Variants in EXOC6B observed in about 807,000 individuals in gnomAD.
EXOC6B encodes exocyst complex component 6B, also known as SEC15 homolog B.
In EXOC6B, 54 loss-of-function variants were observed where a neutral mutation model predicts 113.5. The observed-to-expected ratio is 0.48, with a 90% CI of 0.38 to 0.60. The LOEUF (loss-of-function observed/expected upper bound fraction) is 0.60, where lower values mean the gene tolerates loss of function less well. Among genes scored for constraint, EXOC6B ranks in the 20% least tolerant of loss-of-function variants. The pLI, the probability that EXOC6B is intolerant of heterozygous loss-of-function variation, is 0.00. For synonymous variants in EXOC6B, 357 were observed against 339.0 expected (o/e 1.05, Z -0.58); for missense variants, 797 against 977.5 (o/e 0.82, Z 2.46).
intron 6 of EXOC6B, among the ~76,000 whole-genome samples, chr2:72,657,562 C>CTTTTTTTT (rs1172512066): frequency 2.4e-5 from 1 of 41,910 alleles, no homozygotes; most frequent in Non-Finnish European, 4.5e-5. Context: ...TTCCTCTTTC[C>CTTTTTTTT]TTTTCTTTTT....
At chr2:72,513,635 C>A (rs975425691) in intron 10 of EXOC6B, among the ~76,000 whole-genome samples, 2 of 151,572 alleles carry the variant, frequency 1.3e-5, no homozygotes, top group African/African-American at 4.8e-5. Context: ...ATCATAAAAG[C>A]TAATATATAC....
At chr2:72,430,225 A>G (rs1356116181) in intron 18 of EXOC6B, among the ~76,000 whole-genome samples, 1 of 152,246 alleles carries the variant, frequency 6.6e-6, no homozygotes, top group Non-Finnish European at 1.5e-5. Flanking sequence ...CTGCTCATCT[A>G]TAAAGTTGGT....
chr2:72,797,566 C>A (rs1214525376), intron 1 of EXOC6B, among the ~76,000 whole-genome samples: 1 of 152,178 alleles, frequency 6.6e-6, no homozygotes, highest in Non-Finnish European at 1.5e-5. Flanking sequence ...GTAATCCCAG[C>A]ACTTTGGGAG....
chr2:72,608,394 T>C (rs1421502078), intron 6 of EXOC6B, among the ~76,000 whole-genome samples: 1 of 152,192 alleles, frequency 6.6e-6, no homozygotes, highest in East Asian at 1.9e-4. Context: ...AAAAGTCCTT[T>C]ATCTCACAGA....
intron 1 of EXOC6B, among the ~76,000 whole-genome samples, chr2:72,824,039 A>G (rs928861883): frequency 6.6e-6 from 1 of 152,038 alleles, no homozygotes; most frequent in African/African-American, 2.4e-5. Flanking sequence ...TGGTGGAGAG[A>G]CAGGCAACTG....
chr2:72,482,445 A>G (rs2105495995), intron 16 of EXOC6B, among the ~76,000 whole-genome samples: 1 of 151,780 alleles, frequency 6.6e-6, no homozygotes, highest in Non-Finnish European at 1.5e-5. Flanking sequence ...TTTGGTGTGT[A>G]AGGCAATGAA....
chr2:72,363,673 C>A (rs1297773474), intron 19 of EXOC6B, among the ~76,000 whole-genome samples: 5 of 151,918 alleles, frequency 3.3e-5, no homozygotes, highest in Middle Eastern at 3.2e-3. Flanking sequence ...AGTGCTTTAC[C>A]ACACAATGAA....
At position 72,631,384 on chromosome 2, in the gene EXOC6B, A is replaced by G. The variant is rs138726066; in HGVS notation, c.670-55716T>C. Among the ~76,000 whole-genome samples the G allele has an allele frequency of 2.0e-4, 29 of 146,998 alleles. 1 individual carries two copies. In the East Asian group the frequency reaches 5.6e-3, roughly 28 times the overall value. On this transcript the variant is annotated intron_variant, in intron 6 of 21. Transcript: ENST00000272427. ...CACTCCATCCTACATATATATATGG[A>G]GTGATATAGTAGTGTGTGTATATGT... is the stretch of plus-strand genomic sequence containing the variant.
intron 6 of EXOC6B, among the ~76,000 whole-genome samples, chr2:72,580,705 C>A (rs954250019): frequency 6.6e-6 from 1 of 152,158 alleles, no homozygotes. Flanking sequence ...TACTTGGATA[C>A]TTGGATACTT....
intron 3 of EXOC6B, among the ~76,000 whole-genome samples, chr2:72,731,830 G>C (rs1019318848): frequency 6.6e-6 from 1 of 152,054 alleles, no homozygotes; most frequent in Non-Finnish European, 1.5e-5. Flanking sequence ...CTAAGTCACT[G>C]ATAAAACAAT....
At chr2:72,375,390 A>G (rs1049065940) in intron 19 of EXOC6B, among the ~76,000 whole-genome samples, 2 of 152,202 alleles carry the variant, frequency 1.3e-5, no homozygotes, top group Non-Finnish European at 2.9e-5. Flanking sequence ...GGAACATTTG[A>G]CTAGACCATA....
intron 17 of EXOC6B, among the ~76,000 whole-genome samples, chr2:72,469,870 G>A (rs55747300): frequency 3.3e-5 from 5 of 152,002 alleles, no homozygotes; most frequent in Non-Finnish European, 7.4e-5. Context: ...GACAATAGAT[G>A]TTAACATATA....
chr2:72,333,253 C>T (rs751806646), intron 20 of EXOC6B, among the ~76,000 whole-genome samples: 10 of 152,120 alleles, frequency 6.6e-5, no homozygotes, highest in African/African-American at 1.2e-4. Context: ...CATTCATTCC[C>T]GACTCTGATC....
intron 1 of EXOC6B, among the ~76,000 whole-genome samples, chr2:72,753,583 AT>A (rs1209575739): frequency 6.6e-6 from 1 of 152,096 alleles, no homozygotes; most frequent in Non-Finnish European, 1.5e-5. Context: ...TTTGACAGTA[AT>A]TTTTTAAATG....
intron 8 of EXOC6B, among the ~76,000 whole-genome samples, chr2:72,519,346 A>T (rs1328845848): frequency 2.0e-5 from 3 of 152,140 alleles, no homozygotes; most frequent in Non-Finnish European, 2.9e-5. Flanking sequence ...CAACCATAGT[A>T]CCAACGTGCT....
chr2:72,705,416 C>G (rs1283544258), intron 6 of EXOC6B, among the ~76,000 whole-genome samples: 2 of 152,140 alleles, frequency 1.3e-5, no homozygotes, highest in African/African-American at 2.4e-5. Flanking sequence ...AAAACTGGCA[C>G]AAGACAGGGA....
chr2:72,727,015 C>A (rs1404305944), intron 5 of EXOC6B, among the ~76,000 whole-genome samples: 1 of 152,046 alleles, frequency 6.6e-6, no homozygotes, highest in African/African-American at 2.4e-5. Context: ...ACGCAAATAC[C>A]ATGCCATTTT....
chr2:72,552,819 AACAG>A (rs1366279228), intron 8 of EXOC6B, among the ~76,000 whole-genome samples: 1 of 151,976 alleles, frequency 6.6e-6, no homozygotes, highest in African/African-American at 2.4e-5. Context: ...AATAAAATTC[AACAG>A]ACATTTATGT....
At chr2:72,231,328 A>G (rs978871575) in intron 20 of EXOC6B, among the ~76,000 whole-genome samples, 1 of 152,208 alleles carries the variant, frequency 6.6e-6, no homozygotes, top group Non-Finnish European at 1.5e-5. Context: ...ATCCTTCTCC[A>G]AAATAAATTA....
Sources: allele counts gnomAD v4.1 joint callset (sites outside exome capture counted in the v4.1 genomes callset), GRCh38; gene constraint gnomAD v4.1.1; transcripts MANE v1.5; gene names NCBI Gene and HGNC (gene_info 2026-07-23, HGNC 2026-07-21).